XRCC4: variants seen among roughly 807,000 people sequenced by gnomAD.
XRCC4 encodes X-ray repair cross complementing 4, also known as DNA repair protein XRCC4.
XRCC4 carries 28 observed loss-of-function variants against 39.1 expected under a neutral mutation model. The ratio of observed to expected loss-of-function variants is 0.72; its 90% CI spans 0.53 to 0.98. The LOEUF (loss-of-function observed/expected upper bound fraction) is 0.98, where lower values mean the gene tolerates loss of function less well. XRCC4 is among the 50% of genes least tolerant of loss of function. XRCC4 has a pLI of 0.00. For synonymous variants in XRCC4, 123 were observed against 126.4 expected (o/e 0.97, Z 0.18); for missense variants, 350 against 376.4 (o/e 0.93, Z 0.58).
chr5:83,214,299 C>A (rs1751762597), intron 6 of XRCC4, among the ~76,000 whole-genome samples: 1 of 152,128 alleles, frequency 6.6e-6, no homozygotes, highest in Non-Finnish European at 1.5e-5. Flanking sequence ...TGTATAGGAA[C>A]ACTACGGAAT....
intron 4 of XRCC4, among the ~76,000 whole-genome samples, chr5:83,196,979 TATA>T (rs1750978752): frequency 6.6e-6 from 1 of 151,774 alleles, no homozygotes; most frequent in Non-Finnish European, 1.5e-5. Context: ...TACATTCAAT[TATA>T]TTTATTAACT....
At chr5:83,133,120 A>G (rs553783017) in intron 3 of XRCC4, among the ~76,000 whole-genome samples, 2 of 152,258 alleles carry the variant, frequency 1.3e-5, no homozygotes, top group Admixed American at 1.3e-4. Context: ...CAGGACCCTC[A>G]GCTGTAGGTC....
intron 6 of XRCC4, among the ~76,000 whole-genome samples, chr5:83,210,580 T>C (rs1441252288): frequency 2.0e-5 from 3 of 152,196 alleles, no homozygotes; most frequent in African/African-American, 7.2e-5. Flanking sequence ...TTAGCACGTC[T>C]ACTCTTGAAA....
At position 83,097,157 on chromosome 5, in the gene XRCC4, G is replaced by A. The variant is rs971141806; in HGVS notation, c.-10-7753G>A. Among the ~76,000 whole-genome samples the A allele has an allele frequency of 5.3e-5, 8 of 152,174 alleles. No individual in the cohort carries two copies. In the East Asian group the frequency reaches 1.2e-3, roughly 22 times the overall value. ...AAAAATGACAGACTGAGAAATTGAA[G>A]CGTGGGAAATAAATATGTAATTACT... On this transcript the variant is annotated intron_variant, in intron 1 of 7. Transcript: ENST00000396027.
At chr5:83,175,193 A>G (rs149260483) in intron 3 of XRCC4, among the ~76,000 whole-genome samples, 1 of 152,312 alleles carries the variant, frequency 6.6e-6, no homozygotes, top group African/African-American at 2.4e-5. Context: ...AACTGACATA[A>G]TGAATGAAAC....
chr5:83,186,116 T>A (rs1444768851), intron 3 of XRCC4, among the ~76,000 whole-genome samples: 1 of 152,152 alleles, frequency 6.6e-6, no homozygotes, highest in Non-Finnish European at 1.5e-5. Context: ...TCACAACTTT[T>A]ATGAAGATTA....
intron 6 of XRCC4, among the ~76,000 whole-genome samples, chr5:83,218,950 T>C (rs1751976819): frequency 6.6e-6 from 1 of 151,154 alleles, no homozygotes; most frequent in Non-Finnish European, 1.5e-5. Flanking sequence ...AGTACATAAC[T>C]GAGTGACTTG....
chr5:83,264,188 T>C (rs915492961), intron 7 of XRCC4, among the ~76,000 whole-genome samples: 4 of 152,178 alleles, frequency 2.6e-5, no homozygotes, highest in African/African-American at 9.7e-5. Flanking sequence ...GCACAATCCA[T>C]GCACTTTTGT....
rs539286680 is a variant in XRCC4 at position 83,082,090 on chromosome 5, A to G, written c.-11+4475A>G. 5.9e-5 allele frequency among the ~76,000 whole-genome samples: 9 copies of G among 152,332 alleles called. No individual in the cohort carries two copies. The South Asian group carries it at 1.7e-3, about 28-fold the overall frequency. ...GTTTTCTACTATTTCTGCTATTAGT[A>G]TACTGATCATCTCTTGCTCAGATTT... On this transcript the variant is annotated intron_variant, in intron 1 of 7. Coordinates refer to ENST00000396027, the MANE Select transcript of XRCC4 (RefSeq NM_003401.5).
chr5:83,345,919 G>A (rs969014823), intron 7 of XRCC4, among the ~76,000 whole-genome samples: 3 of 152,036 alleles, frequency 2.0e-5, no homozygotes, highest in Non-Finnish European at 4.4e-5. Context: ...TTAATTAGAT[G>A]ATGTAGTGCA....
chr5:83,323,739 A>ACGC (rs34127980), intron 7 of XRCC4, among the ~76,000 whole-genome samples: 4 of 151,668 alleles, frequency 2.6e-5, no homozygotes, highest in African/African-American at 9.7e-5. Flanking sequence ...TGTGTTTGGA[A>ACGC]CTAGAAATTT....
intron 6 of XRCC4, among the ~76,000 whole-genome samples, chr5:83,229,909 C>T (rs1752435743): frequency 6.6e-6 from 1 of 151,702 alleles, no homozygotes; most frequent in Non-Finnish European, 1.5e-5. Flanking sequence ...AAGTGTGAAA[C>T]AATATTTGAT....
chr5:83,159,212 T>C (rs1365935729), intron 3 of XRCC4, among the ~76,000 whole-genome samples: 4 of 152,204 alleles, frequency 2.6e-5, no homozygotes, highest in Admixed American at 6.5e-5. Context: ...ATAATAATTA[T>C]TCATTTCAAT....
At chr5:83,264,234 G>C (rs137968034) in intron 7 of XRCC4, among the ~76,000 whole-genome samples, 2 of 152,196 alleles carry the variant, frequency 1.3e-5, no homozygotes, top group East Asian at 3.9e-4. Flanking sequence ...AATTTTTGTA[G>C]CTTCCAAACC....
At chr5:83,237,548 G>T (rs58781124) in intron 6 of XRCC4, among the ~76,000 whole-genome samples, 1 of 152,028 alleles carries the variant, frequency 6.6e-6, no homozygotes, top group African/African-American at 2.4e-5. Context: ...AGAGTAGAAT[G>T]ATGGCTACCA....
At chr5:83,085,440 G>A (rs946767599) in intron 1 of XRCC4, among the ~76,000 whole-genome samples, 10 of 151,052 alleles carry the variant, frequency 6.6e-5, no homozygotes, top group African/African-American at 2.2e-4. Context: ...CTGTCTAAAC[G>A]TTGGGGCACT....
intron 3 of XRCC4, among the ~76,000 whole-genome samples, chr5:83,169,420 G>A (rs1426380578): frequency 6.6e-6 from 1 of 152,080 alleles, no homozygotes; most frequent in Non-Finnish European, 1.5e-5. Flanking sequence ...TTGATTTAGG[G>A]TAAACTGTCA....
chr5:83,217,361 A>G (rs1449818781), intron 6 of XRCC4, among the ~76,000 whole-genome samples: 3 of 150,818 alleles, frequency 2.0e-5, no homozygotes, highest in Admixed American at 6.6e-5. Context: ...TCCGTCTCAA[A>G]AAAAAAAAAA....
chr5:83,269,507 T>C (rs1158130547), intron 7 of XRCC4, among the ~76,000 whole-genome samples: 2 of 151,438 alleles, frequency 1.3e-5, no homozygotes, highest in Non-Finnish European at 2.9e-5. Flanking sequence ...TTTGCTACTC[T>C]TTCTCATTAA....
Sources: allele counts gnomAD v4.1 joint callset (sites outside exome capture counted in the v4.1 genomes callset), GRCh38; gene constraint gnomAD v4.1.1; transcripts MANE v1.5; gene names NCBI Gene and HGNC (gene_info 2026-07-23, HGNC 2026-07-21).